CDH18: variants seen among roughly 807,000 people sequenced by gnomAD.
The protein encoded by CDH18 is cadherin 18.
A neutral mutation model predicts 67.9 loss-of-function variants in CDH18; 31 were observed. The ratio of observed to expected loss-of-function variants is 0.46; its 90% CI spans 0.34 to 0.62. The LOEUF is 0.62. Among genes scored for constraint, CDH18 ranks in the 20% least tolerant of loss-of-function variants. The pLI is 0.01. For synonymous variants in CDH18, 362 were observed against 347.2 expected, an observed-to-expected ratio of 1.04 and a Z score of -0.48; for missense variants, 890 against 975.5, an observed-to-expected ratio of 0.91 and a Z score of 1.17.
chr5:20,460,368 GT>G (rs1262919379), intron 1 of CDH18, among the ~76,000 whole-genome samples: 1 of 151,264 alleles, frequency 6.6e-6, no homozygotes, highest in East Asian at 1.9e-4. Context: ...CTCCCGCCTG[GT>G]TGACAGAGCG....
intron 2 of CDH18, among the ~76,000 whole-genome samples, chr5:19,853,066 T>C (rs1783892580): frequency 6.6e-6 from 1 of 152,120 alleles, no homozygotes; most frequent in Non-Finnish European, 1.5e-5. Context: ...GTGAGAGGCA[T>C]GTGCATTAGT....
intron 2 of CDH18, among the ~76,000 whole-genome samples, chr5:19,925,469 G>T (rs1208496750): frequency 1.3e-5 from 2 of 152,034 alleles, no homozygotes; most frequent in Admixed American, 1.3e-4. Flanking sequence ...ACATGGGGAT[G>T]ATTAGCATCG....
chr5:20,050,250 T>C (rs1191692339), intron 2 of CDH18, among the ~76,000 whole-genome samples: 1 of 151,872 alleles, frequency 6.6e-6, no homozygotes, highest in Non-Finnish European at 1.5e-5. Flanking sequence ...TATTATTTTG[T>C]TTTTTAAAAT....
intron 3 of CDH18, among the ~76,000 whole-genome samples, chr5:19,834,152 A>ATT (rs36060099): frequency 1.2e-3 from 176 of 143,690 alleles, no homozygotes; most frequent in South Asian, 4.0e-3. Flanking sequence ...TGGTCCTGGG[A>ATT]TTTTTTTTTT....
chr5:20,302,297 C>T (rs112621616), intron 1 of CDH18, among the ~76,000 whole-genome samples: 75 of 152,254 alleles, frequency 4.9e-4, no homozygotes, highest in African/African-American at 1.7e-3. Context: ...GTTGAATAAA[C>T]TTAACGTCAA....
chr5:19,762,255 A>C (rs932565240), intron 3 of CDH18, among the ~76,000 whole-genome samples: 6 of 152,182 alleles, frequency 3.9e-5, no homozygotes, highest in African/African-American at 1.4e-4. Context: ...ATCTAATTAA[A>C]CTAAAGAGCT....
intron 5 of CDH18, among the ~76,000 whole-genome samples, chr5:19,695,502 C>T (rs1298659779): frequency 1.3e-5 from 2 of 152,028 alleles, no homozygotes; most frequent in South Asian, 2.1e-4. Context: ...GCATTAAGAG[C>T]CTAAAAATGC....
intron 4 of CDH18, among the ~76,000 whole-genome samples, chr5:19,723,807 G>A (rs889623050): frequency 4.6e-5 from 7 of 152,032 alleles, no homozygotes; most frequent in African/African-American, 7.2e-5. Context: ...TCCACCTCCC[G>A]AGTTCAGGCA....
chr5:19,888,346 T>C (rs1430687559), intron 2 of CDH18, among the ~76,000 whole-genome samples: 2 of 152,146 alleles, frequency 1.3e-5, no homozygotes, highest in Non-Finnish European at 2.9e-5. Flanking sequence ...TAACAAGGTA[T>C]ATATTTCCTT....
chr5:19,502,829 C>A (rs1212228366), intron 11 of CDH18, 163 bp downstream of exon 11: 1 of 647,154 alleles, frequency 1.5e-6, no homozygotes, highest in Admixed American at 2.4e-5. Context: ...ACATATGGCT[C>A]AATTTTAAAC....
At chr5:19,696,676 G>A (rs1762584581) in intron 5 of CDH18, among the ~76,000 whole-genome samples, 1 of 152,068 alleles carries the variant, frequency 6.6e-6, no homozygotes, top group South Asian at 2.1e-4. Context: ...TTACAAGCGT[G>A]AGCCACCGCA....
intron 5 of CDH18, among the ~76,000 whole-genome samples, chr5:19,629,976 G>A (rs1423730635): frequency 6.6e-6 from 1 of 151,884 alleles, no homozygotes; most frequent in Non-Finnish European, 1.5e-5. Context: ...TCACTCCATC[G>A]TACAGGCTGG....
intron 4 of CDH18, among the ~76,000 whole-genome samples, chr5:19,728,064 C>T (rs986292253): frequency 5.9e-5 from 9 of 152,064 alleles, no homozygotes; most frequent in African/African-American, 2.2e-4. Context: ...CCTCTACGTG[C>T]TAGACTTCAA....
chr5:20,434,511 G>C (rs892288959), intron 1 of CDH18, among the ~76,000 whole-genome samples: 2 of 151,898 alleles, frequency 1.3e-5, no homozygotes, highest in Non-Finnish European at 2.9e-5. Context: ...TAACTGGAAG[G>C]ATTCACCCGG....
At chr5:20,115,252 C>A (rs1245034546) in intron 2 of CDH18, among the ~76,000 whole-genome samples, 2 of 146,528 alleles carry the variant, frequency 1.4e-5, no homozygotes, top group African/African-American at 5.0e-5. Flanking sequence ...TCATGGGGCT[C>A]CACTCTCAGG....
rs1365587081 is a variant in CDH18 at position 20,478,750 on chromosome 5, G to C, written c.-580+96712C>G. Among the ~76,000 whole-genome samples the C allele has an allele frequency of 3.9e-5, 6 of 152,162 alleles. No individual in the cohort carries two copies. In the East Asian group the frequency reaches 1.2e-3, roughly 29 times the overall value. On this transcript the variant is annotated intron_variant, in intron 1 of 14. Transcript: ENST00000507958. Reference sequence around the variant, plus strand: ...ACTGACTGAAGAGCCCTTGGGCTTTGAGTGAACATCAGCAATAGCCAGAAA... The same window carrying C: ...ACTGACTGAAGAGCCCTTGGGCTTTCAGTGAACATCAGCAATAGCCAGAAA...
intron 2 of CDH18, among the ~76,000 whole-genome samples, chr5:19,845,349 C>T (rs1488757317): frequency 6.6e-6 from 1 of 152,090 alleles, no homozygotes; most frequent in Non-Finnish European, 1.5e-5. Flanking sequence ...TTTATTTCTA[C>T]CTAACTTCCA....
At chr5:19,547,416 T>G (rs561645729) in intron 8 of CDH18, among the ~76,000 whole-genome samples, 156 of 152,316 alleles carry the variant, frequency 1.0e-3, no homozygotes, top group African/African-American at 3.7e-3. Context: ...AAGCTCAGAT[T>G]GTAGTGCTAT....
At chr5:19,967,347 T>C (rs6876533) in intron 2 of CDH18, among the ~76,000 whole-genome samples, 3,798 of 152,178 alleles carry the variant, frequency 0.025, 126 homozygotes, top group African/African-American at 0.083. Context: ...TAGAAAAATA[T>C]AGAAGATTCA....
Sources: allele counts gnomAD v4.1 joint callset (sites outside exome capture counted in the v4.1 genomes callset), GRCh38; gene constraint gnomAD v4.1.1; transcripts MANE v1.5; gene names NCBI Gene and HGNC (gene_info 2026-07-23, HGNC 2026-07-21).